Variants in NCEH1 observed in about 807,000 individuals in gnomAD.
NCEH1 encodes the protein 2-acetyl MAGE hydrolase.
Under a neutral mutation model 25.4 loss-of-function variants are expected in NCEH1, and 9 were observed. The ratio of observed to expected loss-of-function variants is 0.35; its 90% CI spans 0.21 to 0.62. NCEH1 has a LOEUF of 0.62. NCEH1 is among the 20% of genes least tolerant of loss of function. The probability of loss-of-function intolerance (pLI) is 0.72; values close to 1 mark genes in which losing one functional copy is unlikely to be tolerated. For synonymous variants in NCEH1, 200 were observed against 199.8 expected, an observed-to-expected ratio of 1.00 and a Z score of -0.01; for missense variants, 412 against 501.1, an observed-to-expected ratio of 0.82 and a Z score of 1.70.
chr3:172,645,611 T>G lies in NCEH1; in HGVS notation c.437+12A>C. 6.4e-7 allele frequency: 1 copy of G among 1,563,928 alleles called. No homozygotes were observed. The highest frequency in any genetic ancestry group is 8.8e-7 in the Non-Finnish European group (1 of 1,141,038). On this transcript the variant is annotated intron_variant, in intron 3 of 4. Coordinates refer to ENST00000475381, the MANE Select transcript of NCEH1 (RefSeq NM_020792.6). Reference sequence around the variant, plus strand: ...TAAGAAAAATTTTCTATGACTAGCATTAATTACTTACTCAATGGAAACAAT... The same window carrying G: ...TAAGAAAAATTTTCTATGACTAGCAGTAATTACTTACTCAATGGAAACAAT...
chr3:172,672,327 A>T (rs1560195469), intron 1 of NCEH1, among the ~76,000 whole-genome samples: 1 of 152,116 alleles, frequency 6.6e-6, no homozygotes, highest in Non-Finnish European at 1.5e-5. Flanking sequence ...TAGCCTCCCA[A>T]AGTGCTGGAA....
At chr3:172,694,105 G>A (rs1713225038) in intron 1 of NCEH1, among the ~76,000 whole-genome samples, 1 of 152,036 alleles carries the variant, frequency 6.6e-6, no homozygotes, top group Admixed American at 6.6e-5. Flanking sequence ...CATTGGCCAG[G>A]ATGATCTCAA....
intron 1 of NCEH1, chr3:172,703,299 T>C (rs992838202): frequency 6.6e-6 from 1 of 151,400 alleles, no homozygotes; most frequent in African/African-American, 2.4e-5. Context: ...CCAAGGCGGG[T>C]GGATAACCTG....
chr3:172,678,989 G>A (rs944287095), intron 1 of NCEH1, among the ~76,000 whole-genome samples: 3 of 152,202 alleles, frequency 2.0e-5, no homozygotes, highest in Non-Finnish European at 4.4e-5. Flanking sequence ...AGGAGGCAGG[G>A]TCATTTATAA....
chr3:172,633,950 T>C lies in NCEH1; in HGVS notation c.752A>G (p.Tyr251Cys), dbSNP rs752541405. 107 of 1,614,104 alleles carry C rather than the reference T, an allele frequency of 6.6e-5. No individual in the cohort carries two copies. Among genetic ancestry groups the C allele is most frequent in the Non-Finnish European group, 8.5e-7 (1 of 1,180,034 alleles). Residue 251 changes from tyrosine (Y) to cysteine (C), a missense_variant, in exon 5 of 5, where the codon TAT becomes TGT. Physicochemically the swap from Tyr to Cys is radical, Grantham distance 194. Coordinates refer to ENST00000475381, the MANE Select transcript of NCEH1 (RefSeq NM_020792.6). ...PILPRYVMVKYWVDYFKGNYD... is the reference protein window; with the variant it reads ...PILPRYVMVKCWVDYFKGNYD... Reference sequence around the variant, plus strand: ...GTTGCCTTTGAAGTAGTCCACCCAATACTTCACCATGACATAGCGGGGCAG... The same window carrying C: ...GTTGCCTTTGAAGTAGTCCACCCAACACTTCACCATGACATAGCGGGGCAG...
chr3:172,691,408 T>C (rs1713029673), intron 1 of NCEH1, among the ~76,000 whole-genome samples: 1 of 11,568 alleles, frequency 8.6e-5, no homozygotes, highest in African/African-American at 6.7e-4. Flanking sequence ...ACCTCTTACA[T>C]AATTTGTATT....
chr3:172,632,965 C>CA lies in NCEH1; in HGVS notation c.*509dup, dbSNP rs981760355. On this transcript the variant is annotated 3_prime_UTR_variant, in exon 5 of 5. Transcript: ENST00000475381. ...CCTTTGCCAAAATTCCCATAGGAAA[C>CA]AAAACCATCCATTCACAAAAGACCA... The CA allele has an allele frequency of 6.5e-6, 1 of 152,738 alleles. No homozygotes were observed. The highest frequency in any genetic ancestry group is 1.5e-5 in the Non-Finnish European group (1 of 68,164). The allele number at this position is 152,738 out of a possible 1,614,324, so 9.5% of individuals were successfully genotyped here. A position where few individuals can be genotyped will look rare whatever the true frequency, so the allele number is the denominator to read the frequency against.
At chr3:172,698,455 C>A (rs1713499074) in intron 1 of NCEH1, among the ~76,000 whole-genome samples, 1 of 152,202 alleles carries the variant, frequency 6.6e-6, no homozygotes, top group Non-Finnish European at 1.5e-5. Flanking sequence ...CAGTGAGATA[C>A]ACATCTTCCA....
chr3:172,694,189 T>C (rs1012932507), intron 1 of NCEH1, among the ~76,000 whole-genome samples: 1 of 152,326 alleles, frequency 6.6e-6, no homozygotes, highest in African/African-American at 2.4e-5. Context: ...TGTATTTAAA[T>C]GTTATACAAC....
intron 1 of NCEH1, among the ~76,000 whole-genome samples, chr3:172,683,791 CAAG>C (rs1345168991): frequency 1.2e-4 from 19 of 152,310 alleles, no homozygotes; most frequent in East Asian, 3.9e-4. Context: ...TAAGAATTTT[CAAG>C]AAGAATACAT....
chr3:172,645,923 A>C (rs1261952484), intron 2 of NCEH1, among the ~76,000 whole-genome samples: 1 of 152,274 alleles, frequency 6.6e-6, no homozygotes, highest in East Asian at 1.9e-4. Context: ...AGTTTTGAAT[A>C]TATTACTATC....
At chr3:172,667,655 C>A (rs1215564815) in intron 1 of NCEH1, among the ~76,000 whole-genome samples, 1 of 152,134 alleles carries the variant, frequency 6.6e-6, no homozygotes, top group African/African-American at 2.4e-5. Flanking sequence ...CACCCTAGGT[C>A]ATACGGAAAG....
intron 1 of NCEH1, among the ~76,000 whole-genome samples, chr3:172,699,895 G>T (rs1161620193): frequency 1.3e-5 from 2 of 152,098 alleles, no homozygotes; most frequent in Non-Finnish European, 2.9e-5. Flanking sequence ...GACCTAGCAT[G>T]ATTATTAATA....
At chr3:172,669,583 C>T (rs1288968648) in intron 1 of NCEH1, among the ~76,000 whole-genome samples, 2 of 152,206 alleles carry the variant, frequency 1.3e-5, no homozygotes, top group African/African-American at 2.4e-5. Context: ...GTCACCCAGG[C>T]TGGAGGGCAG....
chr3:172,655,624 C>G (rs1286578641), intron 1 of NCEH1, among the ~76,000 whole-genome samples: 1 of 152,196 alleles, frequency 6.6e-6, no homozygotes, highest in Non-Finnish European at 1.5e-5. Context: ...AGAGAACCCA[C>G]AAGGTATCAA....
chr3:172,693,413 A>C (rs1435953847), intron 1 of NCEH1, among the ~76,000 whole-genome samples: 3 of 152,086 alleles, frequency 2.0e-5, no homozygotes, highest in African/African-American at 7.2e-5. Flanking sequence ...GTCAAATTTT[A>C]ACATGCTACC....
chr3:172,693,900 A>C (rs1297105848), intron 1 of NCEH1, among the ~76,000 whole-genome samples: 1 of 152,060 alleles, frequency 6.6e-6, no homozygotes, highest in African/African-American at 2.4e-5. Flanking sequence ...TTAATTTTTA[A>C]ATTTTTTATT....
Position 172,633,451 on chromosome 3 carries a change from G to GTATCATTAAAA in NCEH1, c.*23_*24insTTTTAATGATA. ...AGGTGTAGGAGGTCAAGAGGGGCTC[G>GTATCATTAAAA]AGGCTTCTGGAAGTTTTGCTCCTTT... On this transcript the variant is annotated 3_prime_UTR_variant, in exon 5 of 5. Transcript: ENST00000475381. The GTATCATTAAAA allele has an allele frequency of 6.3e-7, 1 of 1,598,180 alleles. No homozygotes were observed. Among genetic ancestry groups the GTATCATTAAAA allele is most frequent in the South Asian group, 1.1e-5 (1 of 88,322 alleles).
chr3:172,671,528 C>CACACATAT (rs145129202), intron 1 of NCEH1, among the ~76,000 whole-genome samples: 2 of 137,052 alleles, frequency 1.5e-5, no homozygotes, highest in African/African-American at 5.5e-5. Context: ...CACACACACA[C>CACACATAT]ATATATAGAT....
Sources: allele counts gnomAD v4.1 joint callset (sites outside exome capture counted in the v4.1 genomes callset), GRCh38; gene constraint gnomAD v4.1.1; transcripts MANE v1.5; gene names NCBI Gene and HGNC (gene_info 2026-07-23, HGNC 2026-07-21).